Variants in NCAM2 observed in about 807,000 individuals in gnomAD.
NCAM2 encodes neural cell adhesion molecule 2, also known as N-CAM-2.
A neutral mutation model predicts 98.1 loss-of-function variants in NCAM2; 30 were observed. The observed-to-expected ratio is 0.31, with a 90% CI of 0.23 to 0.41. The LOEUF is 0.41. Among genes scored for constraint, NCAM2 ranks in the 10% least tolerant of loss-of-function variants. NCAM2 has a pLI of 1.00. For missense variants in NCAM2, 867 were observed against 1,005.8 expected (o/e 0.86, Z 1.87); for synonymous variants, 368 against 342.4 (o/e 1.07, Z -0.83).
At chr21:21,384,476 T>G (rs1157950189) in intron 9 of NCAM2, among the ~76,000 whole-genome samples, 1 of 151,858 alleles carries the variant, frequency 6.6e-6, no homozygotes, top group Non-Finnish European at 1.5e-5. Flanking sequence ...AAATTTATTA[T>G]TTTTCACAAT....
intron 16 of NCAM2, among the ~76,000 whole-genome samples, chr21:21,525,180 CA>C (rs1319650238): frequency 6.6e-6 from 1 of 151,696 alleles, no homozygotes; most frequent in Non-Finnish European, 1.5e-5. Flanking sequence ...AAATGCATTT[CA>C]AAACAAAATC....
At position 21,085,201 on chromosome 21, in the gene NCAM2, GT is replaced by G. The variant is rs11380838; in HGVS notation, c.55+86594del. The stretch of plus-strand genomic sequence containing the variant: ...TAACCATTATTTGTGTCTAGTTGGG[GT>G]TTTTTTTTTTAATTATAAAGAATGG... On this transcript the variant is annotated intron_variant, in intron 1 of 17. Coordinates refer to ENST00000400546, the MANE Select transcript of NCAM2 (RefSeq NM_004540.5). 1.8e-3 allele frequency among the ~76,000 whole-genome samples: 260 copies of G among 147,928 alleles called. 1 individual carries two copies. The highest frequency in any genetic ancestry group is 4.5e-3 in the Admixed American group (67 of 14,828).
intron 12 of NCAM2, among the ~76,000 whole-genome samples, chr21:21,461,268 A>G (rs1368178656): frequency 1.3e-5 from 2 of 151,960 alleles, no homozygotes; most frequent in Non-Finnish European, 2.9e-5. Flanking sequence ...TTGTTCAATG[A>G]AACTGTTATG....
intron 16 of NCAM2, among the ~76,000 whole-genome samples, chr21:21,532,299 A>G (rs979245251): frequency 6.6e-6 from 1 of 152,018 alleles, no homozygotes; most frequent in Non-Finnish European, 1.5e-5. Context: ...GCTCAATTAT[A>G]TACAGTTAGT....
At position 21,359,450 on chromosome 21, in the gene NCAM2, A is replaced by G. The variant is rs545374961; in HGVS notation, c.1045-14413A>G. Reference sequence around the variant, plus strand: ...ATATGTTGAAAATGTCATTTTAAAAATTGTTTTTGAAATAATTCTAGATAA... The same window carrying G: ...ATATGTTGAAAATGTCATTTTAAAAGTTGTTTTTGAAATAATTCTAGATAA... On this transcript the variant is annotated intron_variant, in intron 8 of 17. Coordinates refer to ENST00000400546, the MANE Select transcript of NCAM2 (RefSeq NM_004540.5). Among the ~76,000 whole-genome samples, 19 of 152,116 alleles carry G rather than the reference A, an allele frequency of 1.2e-4. No homozygotes were observed. The South Asian group carries it at 3.9e-3, about 31-fold the overall frequency.
intron 1 of NCAM2, among the ~76,000 whole-genome samples, chr21:21,258,880 G>GCTGCCC (rs1376465055): frequency 6.6e-6 from 1 of 152,090 alleles, no homozygotes; most frequent in Non-Finnish European, 1.5e-5. Flanking sequence ...CTAGGTTTGG[G>GCTGCCC]CTGCCCCTAA....
At chr21:21,467,428 T>TATATATATATATCTTTATATA (rs1555902035) in intron 13 of NCAM2, among the ~76,000 whole-genome samples, 6 of 140,734 alleles carry the variant, frequency 4.3e-5, no homozygotes, top group African/African-American at 1.4e-4. Context: ...ATATATCTTT[T>TATATATATATATCTTTATATA]TATATATATA....
At chr21:21,193,398 C>T (rs2068890607) in intron 1 of NCAM2, among the ~76,000 whole-genome samples, 1 of 151,200 alleles carries the variant, frequency 6.6e-6, no homozygotes, top group African/African-American at 2.4e-5. Flanking sequence ...ACAGCCTGTT[C>T]TGGGAATAAT....
At chr21:21,458,670 C>A (rs1192076103) in intron 12 of NCAM2, among the ~76,000 whole-genome samples, 1 of 152,210 alleles carries the variant, frequency 6.6e-6, no homozygotes, top group Non-Finnish European at 1.5e-5. Flanking sequence ...GCCTCCAGAA[C>A]TGCGACAAAT....
intron 8 of NCAM2, among the ~76,000 whole-genome samples, chr21:21,365,234 A>AGTGTGTGTGTGTGTGT (rs2075755653): frequency 2.3e-5 from 1 of 43,350 alleles, no homozygotes; most frequent in Non-Finnish European, 4.8e-5. Context: ...ATTATTGCTT[A>AGTGTGTGTGTGTGTGT]GTGCGTGTGT....
chr21:21,140,406 C>G (rs1263075750), intron 1 of NCAM2, among the ~76,000 whole-genome samples: 1 of 152,014 alleles, frequency 6.6e-6, no homozygotes, highest in Non-Finnish European at 1.5e-5. Context: ...TAAGCCATAC[C>G]TTCAATAAAT....
At chr21:21,471,337 A>G (rs893519967) in intron 14 of NCAM2, among the ~76,000 whole-genome samples, 19 of 152,006 alleles carry the variant, frequency 1.2e-4, no homozygotes, top group African/African-American at 4.1e-4. Flanking sequence ...AATTGGAGAT[A>G]CCATGATTGA....
chr21:21,405,551 G>A (rs2076723014), intron 9 of NCAM2, among the ~76,000 whole-genome samples: 3 of 152,070 alleles, frequency 2.0e-5, no homozygotes, highest in Admixed American at 1.3e-4. Context: ...ACGTTAGTAA[G>A]TATACTTATT....
At chr21:21,110,571 C>CA (rs2066434399) in intron 1 of NCAM2, among the ~76,000 whole-genome samples, 1 of 150,636 alleles carries the variant, frequency 6.6e-6, no homozygotes. Context: ...AAAATATGAA[C>CA]AAAAAATAAC....
At chr21:21,459,730 T>G (rs1003785653) in intron 12 of NCAM2, among the ~76,000 whole-genome samples, 5 of 151,450 alleles carry the variant, frequency 3.3e-5, no homozygotes, top group Non-Finnish European at 7.4e-5. Context: ...GAGTGAGAGA[T>G]AAGGGAAGTG....
chr21:21,468,226 A>G (rs1164664237), intron 13 of NCAM2, among the ~76,000 whole-genome samples: 1 of 152,012 alleles, frequency 6.6e-6, no homozygotes, highest in African/African-American at 2.4e-5. Flanking sequence ...ATTGCAAGTC[A>G]TTATCTTTAC....
Position 21,397,929 on chromosome 21 carries a change from G to A in NCAM2, c.1196-12345G>A, listed in dbSNP as rs2076549532. Among the ~76,000 whole-genome samples the A allele has an allele frequency of 2.0e-5, 3 of 152,214 alleles. No homozygotes were observed. In the South Asian group the frequency reaches 6.2e-4, roughly 32 times the overall value. On this transcript the variant is annotated intron_variant, in intron 9 of 17. Coordinates refer to ENST00000400546, the MANE Select transcript of NCAM2 (RefSeq NM_004540.5). ...GTAGATCCACTATTTTTCCAACAATGCCACTACTGGGTCATTATATGAAAT... is the reference window on the plus strand; with the variant it reads ...GTAGATCCACTATTTTTCCAACAATACCACTACTGGGTCATTATATGAAAT...
chr21:21,397,011 T>C (rs934410923), intron 9 of NCAM2, among the ~76,000 whole-genome samples: 7 of 152,200 alleles, frequency 4.6e-5, no homozygotes, highest in African/African-American at 1.7e-4. Context: ...GAATGAGGTA[T>C]GCAGACAAGT....
chr21:21,464,896 CCATTTAT>C (rs1396190015), intron 12 of NCAM2, among the ~76,000 whole-genome samples: 2 of 152,070 alleles, frequency 1.3e-5, no homozygotes, highest in East Asian at 3.9e-4. Flanking sequence ...CTTGGCTATG[CCATTTAT>C]CCTTGCAGCT....
Sources: gnomAD v4.1 joint callset for allele counts (sites outside exome capture counted in the v4.1 genomes callset) on GRCh38, gnomAD v4.1.1 for gene constraint, MANE v1.5 for transcripts, NCBI Gene and HGNC (gene_info 2026-07-23, HGNC 2026-07-21) for gene names.